RIMBP2: variants seen among roughly 807,000 people sequenced by gnomAD.
RIMBP2 encodes the protein RIMS-binding protein 2.
RIMBP2 carries 48 observed loss-of-function variants against 118.6 expected under a neutral mutation model. That is an observed-to-expected ratio of 0.40 (90% CI 0.32 to 0.51). The LOEUF (loss-of-function observed/expected upper bound fraction) is 0.51, where lower values mean the gene tolerates loss of function less well. RIMBP2 is among the 20% of genes least tolerant of loss of function. RIMBP2 has a pLI of 0.41. For synonymous variants in RIMBP2, 762 were observed against 742.9 expected (o/e 1.03, Z -0.42); for missense variants, 1,551 against 1,768.3 (o/e 0.88, Z 2.20).
At position 130,471,506 on chromosome 12, in the gene RIMBP2, A is replaced by C. The variant is rs192466830; in HGVS notation, c.103-763T>G. Among the ~76,000 whole-genome samples the C allele has an allele frequency of 1.8e-3, 271 of 152,184 alleles. 1 individual carries two copies. Among genetic ancestry groups the C allele is most frequent in the Middle Eastern group, 6.8e-3 (2 of 294 alleles). ...TTGTAGCCCTCGGCATAGTTCCTTG[A>C]GTCTCACTAACTTTTCTGCAGACCT... On this transcript the variant is annotated intron_variant, in intron 5 of 22. Coordinates refer to ENST00000690449, the MANE Select transcript of RIMBP2 (RefSeq NM_001393629.1).
chr12:130,606,452 G>T (rs906689802), intron 2 of RIMBP2, among the ~76,000 whole-genome samples: 1 of 152,232 alleles, frequency 6.6e-6, no homozygotes, highest in Non-Finnish European at 1.5e-5. Context: ...TCAGTTCCAC[G>T]CAAGGAGGCA....
Position 130,414,243 on chromosome 12 carries a change from G to T in RIMBP2, c.3302C>A (p.Ala1101Asp), listed in dbSNP as rs2075960050. ...AAAGATCCGGGCCGGGAGCTCTTCG[G>T]CACCAGGGTCAGTTTCTGACTCTTC... is the stretch of plus-strand genomic sequence containing the variant. ...FYEESETDPG[A>D]EELPARIFVA... The change falls in exon 18 of 23, where the codon GCC becomes GAC. Residue 1101 changes from alanine (A) to aspartate (D), a missense_variant. Transcript: ENST00000690449. The T allele has an allele frequency of 6.2e-7, 1 of 1,613,780 alleles. No homozygotes were observed. The highest frequency in any genetic ancestry group is 8.5e-7 in the Non-Finnish European group (1 of 1,179,900).
chr12:130,677,748 G>T (rs971000943), intron 1 of RIMBP2, among the ~76,000 whole-genome samples: 1 of 152,140 alleles, frequency 6.6e-6, no homozygotes, highest in Non-Finnish European at 1.5e-5. Flanking sequence ...CACTAGGCCT[G>T]TGTGTTTCCC....
intron 12 of RIMBP2, 30 bp downstream of exon 12, chr12:130,438,335 A>AGCCACCCC: frequency 1.2e-6 from 1 of 865,014 alleles, no homozygotes; most frequent in Non-Finnish European, 1.9e-6. Flanking sequence ...GGCCTAACAA[A>AGCCACCCC]CCCTCCCCAC....
chr12:130,460,302 C>T (rs911298279), intron 6 of RIMBP2, among the ~76,000 whole-genome samples: 1 of 152,120 alleles, frequency 6.6e-6, no homozygotes, highest in Non-Finnish European at 1.5e-5. Flanking sequence ...CTGGAAGTGC[C>T]GTCAGCAGCA....
At chr12:130,609,994 T>C (rs1283324427) in intron 2 of RIMBP2, among the ~76,000 whole-genome samples, 2 of 152,206 alleles carry the variant, frequency 1.3e-5, no homozygotes, top group Non-Finnish European at 2.9e-5. Flanking sequence ...AATGCTCACC[T>C]TCTCCAGAAA....
chr12:130,441,811 T>C (rs1213212627), intron 11 of RIMBP2, 37 bp downstream of exon 11: 1 of 1,569,664 alleles, frequency 6.4e-7, no homozygotes. Context: ...CCTGGCGTTC[T>C]CTCCCTGGGG....
intron 1 of RIMBP2, among the ~76,000 whole-genome samples, chr12:130,629,200 A>G (rs79498255): frequency 0.014 from 2,205 of 152,342 alleles, 23 homozygotes; most frequent in South Asian, 0.07. Context: ...CTGCATCCAT[A>G]TGAACCAGCA....
intron 1 of RIMBP2, among the ~76,000 whole-genome samples, chr12:130,706,873 A>G (rs2066147856): frequency 6.6e-6 from 1 of 152,212 alleles, no homozygotes; most frequent in African/African-American, 2.4e-5. Flanking sequence ...CCGCAGGCTC[A>G]TTCTGCAGAT....
At chr12:130,626,007 T>C (rs1160156596) in intron 2 of RIMBP2, among the ~76,000 whole-genome samples, 1 of 152,196 alleles carries the variant, frequency 6.6e-6, no homozygotes, top group Non-Finnish European at 1.5e-5. Flanking sequence ...ATAAATTATA[T>C]TCATTGAAGA....
At chr12:130,569,674 G>T (rs2057485247) in intron 2 of RIMBP2, among the ~76,000 whole-genome samples, 1 of 152,090 alleles carries the variant, frequency 6.6e-6, no homozygotes, top group Non-Finnish European at 1.5e-5. Flanking sequence ...AAAGCGTGCA[G>T]CCCCTCCCTC....
chr12:130,474,842 G>A (rs559352171), intron 5 of RIMBP2, among the ~76,000 whole-genome samples: 32 of 152,176 alleles, frequency 2.1e-4, no homozygotes, highest in East Asian at 3.9e-4. Context: ...GCCCAGAGTC[G>A]CTTCTACCAT....
chr12:130,679,964 T>C (rs2064696097), intron 1 of RIMBP2, among the ~76,000 whole-genome samples: 2 of 151,414 alleles, frequency 1.3e-5, no homozygotes, highest in South Asian at 4.2e-4. Flanking sequence ...ACGCAGGGAG[T>C]GTGTTCGCCC....
At chr12:130,678,144 A>T (rs2064588696) in intron 1 of RIMBP2, among the ~76,000 whole-genome samples, 1 of 152,064 alleles carries the variant, frequency 6.6e-6, no homozygotes, top group Non-Finnish European at 1.5e-5. Context: ...AGCCTCTATG[A>T]CCCTAGACGA....
chr12:130,478,871 C>G, intron 5 of RIMBP2, 41 bp downstream of exon 5: 1 of 1,493,612 alleles, frequency 6.7e-7, no homozygotes, highest in East Asian at 2.3e-5. Context: ...CACCCGTGGA[C>G]TCCCTGCCTC....
intron 21 of RIMBP2, among the ~76,000 whole-genome samples, chr12:130,404,410 G>A (rs1356507151): frequency 6.6e-6 from 1 of 152,128 alleles, no homozygotes; most frequent in Admixed American, 6.6e-5. Flanking sequence ...TGATTCTCCT[G>A]CCTCAGCCTC....
Position 130,420,464 on chromosome 12 carries a change from C to T in RIMBP2, c.3238+1989G>A, listed in dbSNP as rs1478059051. Among the ~76,000 whole-genome samples, 1 of 152,154 alleles carries T rather than the reference C, an allele frequency of 6.6e-6. No individual in the cohort carries two copies. The highest frequency in any genetic ancestry group is 1.5e-5 in the Non-Finnish European group (1 of 68,026). On this transcript the variant is annotated intron_variant, in intron 17 of 22. Coordinates refer to ENST00000690449, the MANE Select transcript of RIMBP2 (RefSeq NM_001393629.1). The surrounding 1 kb of genome is among the most constrained non-coding windows in gnomAD (Gnocchi z 4.3). The stretch of plus-strand genomic sequence containing the variant: ...AACAAGTGTGCTACTGAAATTAAGA[C>T]ACGCATGCAGCCTTTGGAATTCTAC...
At chr12:130,413,929 G>A (rs930447551) in intron 18 of RIMBP2, among the ~76,000 whole-genome samples, 196 bp downstream of exon 18, 2 of 152,230 alleles carry the variant, frequency 1.3e-5, no homozygotes, top group African/African-American at 4.8e-5. Flanking sequence ...CACAAACCGG[G>A]CAGATGCTGG....
intron 2 of RIMBP2, among the ~76,000 whole-genome samples, chr12:130,560,620 G>A (rs374337615): frequency 3.9e-5 from 6 of 152,324 alleles, no homozygotes; most frequent in South Asian, 2.1e-4. Flanking sequence ...GACTCCTCGC[G>A]TGGCCAAGCT....
Sources: gnomAD v4.1 joint callset for allele counts (sites outside exome capture counted in the v4.1 genomes callset) on GRCh38, gnomAD v4.1.1 for gene constraint, Gnocchi (gnomAD v3.1) non-coding constraint, MANE v1.5 for transcripts, NCBI Gene and HGNC (gene_info 2026-07-23, HGNC 2026-07-21) for gene names.